COL5A3: variants seen among roughly 807,000 people sequenced by gnomAD.
COL5A3 encodes collagen type V alpha 3 chain.
COL5A3 carries 172 observed loss-of-function variants against 250.0 expected under a neutral mutation model. That is an observed-to-expected ratio of 0.69 (90% CI 0.61 to 0.78). COL5A3 has a LOEUF of 0.78. Ranked by LOEUF, COL5A3 falls within the 30% of genes least tolerant of loss-of-function variation. The pLI is 0.00. For missense variants in COL5A3, 2,340 were observed against 2,334.4 expected (o/e 1.00, Z -0.05); for synonymous variants, 937 against 900.4 (o/e 1.04, Z -0.73).
Position 9,960,395 on chromosome 19 carries a change from C to T in COL5A3, c.*16G>A, listed in dbSNP as rs1568399171. The T allele has an allele frequency of 6.2e-7, 1 of 1,614,028 alleles. No individual in the cohort carries two copies. Among genetic ancestry groups the T allele is most frequent in the Non-Finnish European group, 8.5e-7 (1 of 1,179,998 alleles). The stretch of plus-strand genomic sequence containing the variant: ...ATTCTGGGGCTCCCTCATGGTCCCT[C>T]CCACCCCGGACACTCTCAGCTGCTG... On this transcript the variant is annotated 3_prime_UTR_variant, in exon 67 of 67. Transcript: ENST00000264828.
intron 56 of COL5A3, 36 bp from the exon 57 acceptor site, chr19:9,969,438 C>A: frequency 6.2e-7 from 1 of 1,600,340 alleles, no homozygotes; most frequent in South Asian, 1.1e-5. Context: ...GGGCTGCACC[C>A]TGTCAGAACA....
chr19:9,986,204 A>C, intron 30 of COL5A3, 111 bp downstream of exon 30: 2 of 733,870 alleles, frequency 2.7e-6, no homozygotes, highest in Non-Finnish European at 4.5e-6. Flanking sequence ...AAAGATGACA[A>C]GGTTGGTAGC....
At chr19:9,969,809 A>G in intron 55 of COL5A3, 60 bp downstream of exon 55, 1 of 1,598,494 alleles carries the variant, frequency 6.3e-7, no homozygotes, top group Non-Finnish European at 8.6e-7. Flanking sequence ...CCCTCTCCTG[A>G]TGGCCCCACT....
chr19:9,964,651 T>C (rs920634802), intron 64 of COL5A3, among the ~76,000 whole-genome samples: 1 of 151,782 alleles, frequency 6.6e-6, no homozygotes, highest in Non-Finnish European at 1.5e-5. Context: ...TTCACACTTA[T>C]ACCGGCCAGG....
chr19:10,005,845 C>G lies in COL5A3; in HGVS notation c.388G>C (p.Gly130Arg). 6.2e-7 allele frequency: 1 copy of G among 1,613,524 alleles called. No individual in the cohort carries two copies. Among genetic ancestry groups the G allele is most frequent in the Non-Finnish European group, 8.5e-7 (1 of 1,179,868 alleles). ...TGGGGGAGGGGGCGGAAGGGGTCAC[C>G]TAGGAGACCCAGCGCTGGCCCCAGT... ...LALGPALGLL[G>R]DPFRPLPQQV... Residue 130 changes from glycine to arginine, a missense_variant, in exon 3 of 67, where the codon GGT becomes CGT. By Grantham distance (125) the Gly-to-Arg change is moderately radical. Around this residue, in one of 3 missense-constraint regions of COL5A3, gnomAD observed 1,152 missense variants for 1,146.3 expected, o/e 1.00. Coordinates refer to ENST00000264828, the MANE Select transcript of COL5A3 (RefSeq NM_015719.4).
In COL5A3 at chr19:9,985,846, G is replaced by C. The variant is rs1187966906; in HGVS notation, c.2402C>G (p.Pro801Arg). Residue 801 changes from proline to arginine, a missense_variant, in exon 31 of 67, where the codon CCT becomes CGT. Pro to Arg is a moderately radical substitution (Grantham distance 103). This residue lies in a region of COL5A3 where 1,152 missense variants were observed against 1,146.3 expected (regional missense o/e 1.00). Coordinates refer to ENST00000264828, the MANE Select transcript of COL5A3 (RefSeq NM_015719.4). Reference sequence around the variant, plus strand: ...CCCCCACCCCCAGCTTCCTACCTTAGGTCCAGGGCGTCCTGGATAACCTGG... The same window carrying C: ...CCCCCACCCCCAGCTTCCTACCTTACGTCCAGGGCGTCCTGGATAACCTGG... ...GLPGYPGRPG[P>R]KGSIGFPGPL... The C allele has an allele frequency of 6.2e-7, 1 of 1,613,364 alleles. No individual in the cohort carries two copies. The highest frequency in any genetic ancestry group is 8.5e-7 in the Non-Finnish European group (1 of 1,179,482).
In COL5A3 at chr19:10,010,416, C is replaced by T; in HGVS notation, c.-31G>A. ...CGGGGCCCACGGGCAAGGCGGGGAA[C>T]CAGTCGGGGCGGCTGCGGGGCGCGG... On this transcript the variant is annotated 5_prime_UTR_variant, in exon 1 of 67. Transcript: ENST00000264828. 2.2e-6 allele frequency: 3 copies of T among 1,344,074 alleles called. No individual in the cohort carries two copies. The highest frequency in any genetic ancestry group is 2.9e-6 in the Non-Finnish European group (3 of 1,038,042). 83.3% of individuals were successfully genotyped at this position (1,344,074 alleles called of 1,614,324 possible).
At chr19:10,001,975 CG>C in intron 6 of COL5A3, 94 bp from the exon 7 acceptor site, 1 of 841,790 alleles carries the variant, frequency 1.2e-6, no homozygotes, top group Non-Finnish European at 1.9e-6. Context: ...GCTCCCAGTC[CG>C]GGGACAGGGA....
rs1384441116 is a variant in COL5A3 at position 9,969,586 on chromosome 19, G to C, written c.4087C>G (p.Pro1363Ala). The change falls in exon 56 of 67, where the codon CCT (proline) becomes GCT (alanine). Residue 1363 changes from proline to alanine, a missense_variant. By Grantham distance (27) the Pro-to-Ala change is conservative. This residue lies in a region of COL5A3 where 1,179 missense variants were observed against 1,162.6 expected (regional missense o/e 1.01). Coordinates refer to ENST00000264828, the MANE Select transcript of COL5A3 (RefSeq NM_015719.4). ...CCCGCTCCACTCACCACAGGGCCAG[G>C]GATCCCTCGAAGACCCTCAGGCCCC... ...RVGPEGLRGI[P>A]GPVGEPGLLG... 2.5e-6 allele frequency: 4 copies of C among 1,610,610 alleles called. No individual in the cohort carries two copies. In the African/African-American group the frequency reaches 5.4e-5, roughly 22 times the overall value.
chr19:9,978,594 G>C lies in COL5A3; in HGVS notation c.2998C>G (p.Pro1000Ala). ...CTTACATTGGCCCCCACGGGCCCTG[G>C]GGGGCCCTTATCACCCTTTAAGCCA... ...PTGLKGDKGPPGPVGANGSPG... is the reference protein window; with the variant it reads ...PTGLKGDKGPAGPVGANGSPG... Residue 1000 changes from proline (P) to alanine (A), a missense_variant, in exon 41 of 67, where the codon CCA (proline) becomes GCA (alanine). Transcript: ENST00000264828. The C allele has an allele frequency of 6.3e-7, 1 of 1,581,986 alleles. No homozygotes were observed. Among genetic ancestry groups the C allele is most frequent in the Non-Finnish European group, 8.6e-7 (1 of 1,165,616 alleles).
chr19:9,977,685 C>T lies in COL5A3; in HGVS notation c.3035G>A (p.Arg1012His), dbSNP rs753887905. 2.2e-5 allele frequency: 35 copies of T among 1,598,700 alleles called. No homozygotes were observed. Among genetic ancestry groups the T allele is most frequent in the Admixed American group, 8.8e-5 (5 of 56,908 alleles). ...PVGANGSPGERGPLGPAGGIG... is the reference protein window; with the variant it reads ...PVGANGSPGEHGPLGPAGGIG... ...GCCTCCTGCTGGGCCCAAAGGACCG[C>T]GCTCACCAGGGGAGCCCTGAGAACA... is the stretch of plus-strand genomic sequence containing the variant. The change falls in exon 42 of 67, where the codon CGC becomes CAC. Residue 1012 changes from arginine to histidine, a missense_variant. Arg to His is a conservative substitution (Grantham distance 29, BLOSUM62 0). This residue lies in a region of COL5A3 where 1,179 missense variants were observed against 1,162.6 expected (regional missense o/e 1.01). Transcript: ENST00000264828.
chr19:9,993,666 G>T lies in COL5A3; in HGVS notation c.1648C>A (p.Arg550Ser). 6.2e-7 allele frequency: 1 copy of T among 1,614,056 alleles called. No individual in the cohort carries two copies. Among genetic ancestry groups the T allele is most frequent in the Non-Finnish European group, 8.5e-7 (1 of 1,180,016 alleles). ...AGCCCAGGGAGGCCATCGAAGCCACGATCACCCTGTCCAGAGACACCAGTG... is the reference window on the plus strand; with the variant it reads ...AGCCCAGGGAGGCCATCGAAGCCACTATCACCCTGTCCAGAGACACCAGTG... ...LPGDTGPKGD[R>S]GFDGLPGLPG... The change falls in exon 18 of 67, where the codon CGT becomes AGT. Residue 550 changes from arginine to serine, a missense_variant. This residue lies in a region of COL5A3 where 1,152 missense variants were observed against 1,146.3 expected (regional missense o/e 1.00). Transcript: ENST00000264828.
At chr19:9,969,541 C>A in intron 56 of COL5A3, 34 bp downstream of exon 56, 7 of 1,603,620 alleles carry the variant, frequency 4.4e-6, no homozygotes, top group Non-Finnish European at 5.1e-6. Flanking sequence ...GGAGCTGGAT[C>A]CACCCTGTCC....
chr19:9,978,092 C>CAACT (rs1005538988), intron 41 of COL5A3, among the ~76,000 whole-genome samples: 1 of 151,502 alleles, frequency 6.6e-6, no homozygotes, highest in African/African-American at 2.4e-5. Context: ...TAGGCATGAG[C>CAACT]AACTACACCT....
At chr19:9,988,010 G>A (rs529868406) in intron 27 of COL5A3, among the ~76,000 whole-genome samples, 185 of 152,138 alleles carry the variant, frequency 1.2e-3, no homozygotes, top group African/African-American at 4.1e-3. Context: ...CGAGGCGGCC[G>A]GATCACCTGA....
At position 9,973,582 on chromosome 19, in the gene COL5A3, G is replaced by A; in HGVS notation, c.3654C>T (p.Ala1218=). 2 of 1,612,554 alleles carry A rather than the reference G, an allele frequency of 1.2e-6. No individual in the cohort carries two copies. Among genetic ancestry groups the A allele is most frequent in the Non-Finnish European group, 1.7e-6 (2 of 1,179,262 alleles). ...CACAGTCACTCACCGGGATGCCTGG[G>A]GCTCCTGGAGGCCCTGGGTCTCCAG... is the stretch of plus-strand genomic sequence containing the variant. ...GDAGDPGPPG[A]PGIPGPKGDI... Residue 1218 remains alanine (A), a synonymous_variant, in exon 50 of 67, where the codon GCC becomes GCT. Coordinates refer to ENST00000264828, the MANE Select transcript of COL5A3 (RefSeq NM_015719.4).
Position 9,969,577 on chromosome 19 carries a change from C to A in COL5A3, c.4096G>T (p.Val1366Leu). ...PEGLRGIPGPVGEPGLLGAPG... is the reference protein window; with the variant it reads ...PEGLRGIPGPLGEPGLLGAPG... ...CACCCCTGCCCCGCTCCACTCACCA[C>A]AGGGCCAGGGATCCCTCGAAGACCC... The change falls in exon 56 of 67, where the codon GTG becomes TTG. Residue 1366 changes from valine (V) to leucine (L), a missense_variant and splice_region_variant. By Grantham distance (32) the Val-to-Leu change is conservative. Transcript: ENST00000264828. 6.2e-7 allele frequency: 1 copy of A among 1,611,208 alleles called. No individual in the cohort carries two copies. The highest frequency in any genetic ancestry group is 8.5e-7 in the Non-Finnish European group (1 of 1,179,140).
Position 9,996,461 on chromosome 19 carries a change from T to C in COL5A3, c.1394A>G (p.Gln465Arg). ...KGPPVSFQQA[Q>R]AQAVLQQTQL... ...AGTCTGCTGCAGAACTGCCTGAGCCTGGGCCTGCTGGAATGAGACTGGGGG... is the reference window on the plus strand; with the variant it reads ...AGTCTGCTGCAGAACTGCCTGAGCCCGGGCCTGCTGGAATGAGACTGGGGG... The change falls in exon 13 of 67, where the codon CAG becomes CGG. Residue 465 changes from glutamine (Q) to arginine (R), a missense_variant. By Grantham distance (43) the Gln-to-Arg change is conservative. Coordinates refer to ENST00000264828, the MANE Select transcript of COL5A3 (RefSeq NM_015719.4). 6.2e-7 allele frequency: 1 copy of C among 1,614,042 alleles called. No homozygotes were observed. The highest frequency in any genetic ancestry group is 8.5e-7 in the Non-Finnish European group (1 of 1,179,996).
chr19:9,970,767 C>T (rs2086833882), intron 53 of COL5A3, 92 bp from the exon 54 acceptor site: 1 of 1,131,032 alleles, frequency 8.8e-7, no homozygotes, highest in Admixed American at 3.7e-5. Flanking sequence ...ACACCCTTCC[C>T]CAAGCCTCAC....
Sources: gnomAD v4.1 joint callset for allele counts (sites outside exome capture counted in the v4.1 genomes callset) on GRCh38, gnomAD v4.1.1 for gene constraint, gnomAD v4.1.1 regional missense constraint, MANE v1.5 for transcripts, NCBI Gene and HGNC (gene_info 2026-07-23, HGNC 2026-07-21) for gene names.